Variants in INPP5A observed in about 807,000 individuals in gnomAD.
INPP5A encodes inositol polyphosphate-5-phosphatase A.
In INPP5A, 14 loss-of-function variants were observed where a neutral mutation model predicts 65.2. The observed-to-expected ratio is 0.21, with a 90% CI of 0.14 to 0.34. The LOEUF (loss-of-function observed/expected upper bound fraction) is 0.34. INPP5A is among the 10% of genes least tolerant of loss of function. The pLI is 1.00. For synonymous variants in INPP5A, 207 were observed against 208.3 expected (o/e 0.99, Z 0.05); for missense variants, 431 against 545.6 (o/e 0.79, Z 2.09).
chr10:132,566,847 GAGAA>G (rs2071280577), intron 1 of INPP5A, among the ~76,000 whole-genome samples: 1 of 152,194 alleles, frequency 6.6e-6, no homozygotes. Flanking sequence ...AATTTAACAA[GAGAA>G]AGAATAATGT....
At chr10:132,607,470 T>G (rs1386054811) in intron 1 of INPP5A, among the ~76,000 whole-genome samples, 3 of 152,222 alleles carry the variant, frequency 2.0e-5, no homozygotes, top group African/African-American at 7.2e-5. Flanking sequence ...TGTTTTGTAC[T>G]CCACAAAGCT....
intron 4 of INPP5A, among the ~76,000 whole-genome samples, chr10:132,653,606 C>T (rs990778594): frequency 6.6e-6 from 1 of 152,142 alleles, no homozygotes; most frequent in Non-Finnish European, 1.5e-5. Flanking sequence ...GGAAAGGATA[C>T]AAACGCATTC....
rs151160577 is a variant in INPP5A at position 132,757,600 on chromosome 10, C to T, written c.903+7755C>T. On this transcript the variant is annotated intron_variant, in intron 11 of 15. Coordinates refer to ENST00000368594, the MANE Select transcript of INPP5A (RefSeq NM_005539.5). ...AGACCGTATCCCCGTCGTTCCGTGA[C>T]ACGTGACTGTGTGTGTGCAGAACCC... 8.9e-4 allele frequency among the ~76,000 whole-genome samples: 135 copies of T among 152,362 alleles called. 2 individuals carry two copies. In the East Asian group the frequency reaches 0.023, roughly 26 times the overall value.
At chr10:132,687,631 G>A (rs980515765) in intron 4 of INPP5A, among the ~76,000 whole-genome samples, 1 of 152,202 alleles carries the variant, frequency 6.6e-6, no homozygotes, top group Admixed American at 6.5e-5. Flanking sequence ...CTAGCCTGGG[G>A]GCTCCCATCT....
chr10:132,655,327 G>A (rs762200784), intron 4 of INPP5A, among the ~76,000 whole-genome samples: 1 of 152,128 alleles, frequency 6.6e-6, no homozygotes, highest in East Asian at 1.9e-4. Context: ...TGGAGGTCTC[G>A]GTACCACGTT....
At chr10:132,642,654 T>G (rs746991402) in intron 2 of INPP5A, among the ~76,000 whole-genome samples, 1 of 152,178 alleles carries the variant, frequency 6.6e-6, no homozygotes, top group Non-Finnish European at 1.5e-5. Flanking sequence ...TTGTTGGGCT[T>G]TGCTGAGGAG....
At chr10:132,760,880 T>C (rs1206754816) in intron 11 of INPP5A, among the ~76,000 whole-genome samples, 1 of 152,174 alleles carries the variant, frequency 6.6e-6, no homozygotes, top group Non-Finnish European at 1.5e-5. Context: ...GCCCTGCATC[T>C]CGGGACACAG....
chr10:132,754,535 T>C (rs1417348051), intron 11 of INPP5A, among the ~76,000 whole-genome samples: 1 of 152,252 alleles, frequency 6.6e-6, no homozygotes. Flanking sequence ...CCTCCACCCC[T>C]GGCTCCAGTA....
intron 3 of INPP5A, among the ~76,000 whole-genome samples, chr10:132,648,392 G>C (rs2072527571): frequency 6.6e-6 from 1 of 152,254 alleles, no homozygotes. Context: ...TATGATTTTT[G>C]CTTTAAACAA....
At chr10:132,752,050 G>T (rs75274305) in intron 11 of INPP5A, among the ~76,000 whole-genome samples, 1 of 85,006 alleles carries the variant, frequency 1.2e-5, no homozygotes, top group African/African-American at 4.2e-5. Flanking sequence ...TGCGTGAAGG[G>T]GGGTGCCCAG....
In INPP5A at chr10:132,538,422, C is replaced by T. The variant is rs1269357723; in HGVS notation, c.75+251C>T. ...GAATCCCCGAACCCCATCCTCCAGA[C>T]TCCAGCAGCTGACCGTTGACCCTGG... On this transcript the variant is annotated intron_variant, in intron 1 of 15. Coordinates refer to ENST00000368594, the MANE Select transcript of INPP5A (RefSeq NM_005539.5). This position sits in a 1 kb window ranked among gnomAD's most constrained non-coding sequence, Gnocchi z 4.1. Among the ~76,000 whole-genome samples the T allele has an allele frequency of 1.3e-5, 2 of 152,186 alleles. No individual in the cohort carries two copies. The highest frequency in any genetic ancestry group is 6.5e-5 in the Admixed American group (1 of 15,286).
At chr10:132,721,393 G>T (rs1845876325) in intron 8 of INPP5A, among the ~76,000 whole-genome samples, 1 of 148,284 alleles carries the variant, frequency 6.7e-6, no homozygotes, top group Non-Finnish European at 1.5e-5. Context: ...GGGTTCTGTG[G>T]TGCCTGGGTT....
chr10:132,716,608 G>A (rs1845744344), intron 8 of INPP5A, among the ~76,000 whole-genome samples: 1 of 152,178 alleles, frequency 6.6e-6, no homozygotes, highest in Non-Finnish European at 1.5e-5. Flanking sequence ...CTCCACTCCC[G>A]CTGGTCCTTT....
intron 4 of INPP5A, among the ~76,000 whole-genome samples, chr10:132,661,313 A>T (rs2072734829): frequency 6.6e-6 from 1 of 152,256 alleles, no homozygotes; most frequent in South Asian, 2.1e-4. Context: ...GAAGGGTCTT[A>T]CTAACATAAA....
chr10:132,672,100 T>C (rs934319538), intron 4 of INPP5A, among the ~76,000 whole-genome samples: 6 of 152,258 alleles, frequency 3.9e-5, no homozygotes, highest in Admixed American at 3.9e-4. Flanking sequence ...AACTACGTTT[T>C]GTTAAGTGGC....
rs1331874613 is a variant in INPP5A at position 132,651,781 on chromosome 10, T to G, written c.306+1276T>G. Among the ~76,000 whole-genome samples, 2 of 152,196 alleles carry G rather than the reference T, an allele frequency of 1.3e-5. No homozygotes were observed. Among genetic ancestry groups the G allele is most frequent in the Non-Finnish European group, 2.9e-5 (2 of 68,036 alleles). On this transcript the variant is annotated intron_variant, in intron 4 of 15. Coordinates refer to ENST00000368594, the MANE Select transcript of INPP5A (RefSeq NM_005539.5). The surrounding 1 kb of genome is among the most constrained non-coding windows in gnomAD (Gnocchi z 5.0). ...GGCATCCAGTGCCAGTTGATCAATG[T>G]CCTTGTCCCTGAGATGGTCACACAG...
rs1167035516 is a variant in INPP5A at position 132,675,550 on chromosome 10, G to A, written c.307-14842G>A. Among the ~76,000 whole-genome samples, 6 of 152,182 alleles carry A rather than the reference G, an allele frequency of 3.9e-5. No individual in the cohort carries two copies. The highest frequency in any genetic ancestry group is 2.1e-4 in the South Asian group (1 of 4,824). On this transcript the variant is annotated intron_variant, in intron 4 of 15. Transcript: ENST00000368594. This position sits in a 1 kb window ranked among gnomAD's most constrained non-coding sequence, Gnocchi z 4.2. The stretch of plus-strand genomic sequence containing the variant: ...TGCGGTTGAGCATGGGGGTGGGTGC[G>A]TGTGGAGTGAGCGTTCCAGGGGCCT...
At chr10:132,690,926 G>A (rs368794987) in intron 5 of INPP5A, among the ~76,000 whole-genome samples, 1 of 152,196 alleles carries the variant, frequency 6.6e-6, no homozygotes, top group African/African-American at 2.4e-5. Context: ...TCGGGGGCAG[G>A]TGCGTGAGCT....
intron 4 of INPP5A, among the ~76,000 whole-genome samples, chr10:132,680,749 C>T (rs985099758): frequency 3.9e-5 from 6 of 152,276 alleles, no homozygotes; most frequent in African/African-American, 2.4e-5. Flanking sequence ...GGGCCCCGCA[C>T]TCCGAGCAGC....
Sources: allele counts gnomAD v4.1 joint callset (sites outside exome capture counted in the v4.1 genomes callset), GRCh38; gene constraint gnomAD v4.1.1; non-coding constraint Gnocchi (gnomAD v3.1); transcripts MANE v1.5; gene names NCBI Gene and HGNC (gene_info 2026-07-23, HGNC 2026-07-21).